Variants in PCDHGA1 observed in about 807,000 individuals in gnomAD.
PCDHGA1 encodes protocadherin gamma-A1.
A neutral mutation model predicts 58.0 loss-of-function variants in PCDHGA1; 32 were observed. The observed-to-expected ratio is 0.55, with a 90% CI of 0.42 to 0.74. The LOEUF (loss-of-function observed/expected upper bound fraction) is 0.74, where lower values mean the gene tolerates loss of function less well. PCDHGA1 is among the 30% of genes least tolerant of loss of function. The pLI is 0.00. For missense variants in PCDHGA1, 1,205 were observed against 1,182.3 expected, an observed-to-expected ratio of 1.02 and a Z score of -0.28; for synonymous variants, 498 against 501.1, an observed-to-expected ratio of 0.99 and a Z score of 0.08.
intron 1 of PCDHGA1, chr5:141,374,870 G>T: frequency 6.2e-7 from 1 of 1,613,702 alleles, no homozygotes; most frequent in Non-Finnish European, 8.5e-7. Context: ...ACCAGTGTTG[G>T]CAGTGACTGC....
chr5:141,371,335 G>A (rs374653658), intron 1 of PCDHGA1: 21 of 1,613,940 alleles, frequency 1.3e-5, no homozygotes, highest in Non-Finnish European at 1.8e-5. Context: ...GAGAGAGATA[G>A]CTACACAATT....
intron 1 of PCDHGA1, chr5:141,478,227 G>A: frequency 6.2e-7 from 1 of 1,614,104 alleles, no homozygotes; most frequent in Non-Finnish European, 8.5e-7. Context: ...GTTTCTGTGG[G>A]GTTTGTGGTC....
At position 141,372,146 on chromosome 5, in the gene PCDHGA1, T is replaced by C. The variant is rs371379465; in HGVS notation, c.2421+39041T>C. The C allele has an allele frequency of 1.2e-4, 200 of 1,613,738 alleles. 1 individual carries two copies. In the South Asian group the frequency reaches 2.0e-3, roughly 16 times the overall value. ...ATATGGTGCCGCGCTCTGCAGAGCC[T>C]GGCTACCTGGTGACCAAGGTGGTGG... On this transcript the variant is annotated intron_variant, in intron 1 of 3. Coordinates refer to ENST00000517417, the MANE Select transcript of PCDHGA1 (RefSeq NM_018912.3).
rs2099706000 is a variant in PCDHGA1 at position 141,490,911 on chromosome 5, G to A, written c.2422-3896G>A. 1 of 1,613,722 alleles carries A rather than the reference G, an allele frequency of 6.2e-7. No individual in the cohort carries two copies. Among genetic ancestry groups the A allele is most frequent in the Non-Finnish European group, 8.5e-7 (1 of 1,179,746 alleles). Reference sequence around the variant, plus strand: ...CTCTGCATGTGTTTGTCCTAGACGAGAATGATAATGCCCCAGCTGTGCTGC... The same window carrying A: ...CTCTGCATGTGTTTGTCCTAGACGAAAATGATAATGCCCCAGCTGTGCTGC... On this transcript the variant is annotated intron_variant, in intron 1 of 3. Coordinates refer to ENST00000517417, the MANE Select transcript of PCDHGA1 (RefSeq NM_018912.3). This position sits in a 1 kb window ranked among gnomAD's most constrained non-coding sequence, Gnocchi z 5.4.
At position 141,408,464 on chromosome 5, in the gene PCDHGA1, A is replaced by G. The variant is rs764186219; in HGVS notation, c.2421+75359A>G. ...GGAGAGCGGGGACTTACTTGTGAAG[A>G]ACCGAATAGACCGTGAGCAAATATG... On this transcript the variant is annotated intron_variant, in intron 1 of 3. Coordinates refer to ENST00000517417, the MANE Select transcript of PCDHGA1 (RefSeq NM_018912.3). The G allele has an allele frequency of 3.8e-5, 61 of 1,613,880 alleles. No homozygotes were observed. Among genetic ancestry groups the G allele is most frequent in the South Asian group, 1.4e-4 (13 of 91,024 alleles).
chr5:141,431,506 G>T lies in PCDHGA1; in HGVS notation c.2422-63301G>T. 1.2e-6 allele frequency: 2 copies of T among 1,613,988 alleles called. No homozygotes were observed. Among genetic ancestry groups the T allele is most frequent in the South Asian group, 2.2e-5 (2 of 91,084 alleles). The stretch of plus-strand genomic sequence containing the variant: ...CGTTTGCTCAGCCCGAGTACCGCGC[G>T]AGCGTTCCGGAGAATCTGGCCTTGG... On this transcript the variant is annotated intron_variant, in intron 1 of 3. Coordinates refer to ENST00000517417, the MANE Select transcript of PCDHGA1 (RefSeq NM_018912.3). This position sits in a 1 kb window ranked among gnomAD's most constrained non-coding sequence, Gnocchi z 4.8.
In PCDHGA1 at chr5:141,332,175, G is replaced by T; in HGVS notation, c.1491G>T (p.Gln497His). 7 of 1,614,148 alleles carry T rather than the reference G, an allele frequency of 4.3e-6. No individual in the cohort carries two copies. The highest frequency in any genetic ancestry group is 5.9e-6 in the Non-Finnish European group (7 of 1,180,022). Residue 497 changes from glutamine (Q) to histidine (H), a missense_variant, in exon 1 of 4, where the codon CAG becomes CAT. Coordinates refer to ENST00000517417, the MANE Select transcript of PCDHGA1 (RefSeq NM_018912.3). The surrounding 1 kb of genome is among the most constrained non-coding windows in gnomAD (Gnocchi z 4.6). ...ITYSLIEDTI[Q>H]GAPLSAYLSI... ...ACTCCCTAATAGAGGACACTATCCAGGGGGCACCCCTATCTGCCTACCTCT... is the reference window on the plus strand; with the variant it reads ...ACTCCCTAATAGAGGACACTATCCATGGGGCACCCCTATCTGCCTACCTCT...
intron 2 of PCDHGA1, 114 bp from the exon 3 acceptor site, chr5:141,505,279 C>T: frequency 6.5e-7 from 1 of 1,541,274 alleles, no homozygotes; most frequent in Non-Finnish European, 8.7e-7. Context: ...AGAAACAGGT[C>T]TTGGGCATGG....
At chr5:141,340,694 G>A (rs760550572) in intron 1 of PCDHGA1, 5 of 1,614,176 alleles carry the variant, frequency 3.1e-6, no homozygotes, top group South Asian at 2.2e-5. Flanking sequence ...TTCCACTGGC[G>A]TGGAGCTGGC....
At chr5:141,335,312 A>G (rs1756559851) in intron 1 of PCDHGA1, among the ~76,000 whole-genome samples, 1 of 152,174 alleles carries the variant, frequency 6.6e-6, no homozygotes, top group Non-Finnish European at 1.5e-5. Flanking sequence ...ACACGTGCTT[A>G]AAATAAAAAT....
intron 1 of PCDHGA1, among the ~76,000 whole-genome samples, chr5:141,443,859 GAA>G (rs2098408229): frequency 6.6e-6 from 1 of 152,104 alleles, no homozygotes; most frequent in Non-Finnish European, 1.5e-5. Context: ...TCTGAAAACT[GAA>G]AAAATTACTG....
intron 1 of PCDHGA1, chr5:141,351,708 T>G: frequency 6.2e-7 from 1 of 1,613,718 alleles, no homozygotes; most frequent in Non-Finnish European, 8.5e-7. Flanking sequence ...AACGGCAGAG[T>G]CTCCTACTCT....
At chr5:141,364,925 C>T in intron 1 of PCDHGA1, 2 of 1,613,910 alleles carry the variant, frequency 1.2e-6, no homozygotes, top group Non-Finnish European at 8.5e-7. Flanking sequence ...GTTGGAACAG[C>T]CCCTAGACCG....
intron 1 of PCDHGA1, chr5:141,427,571 G>T (rs1199845374): frequency 9.1e-6 from 6 of 662,944 alleles, no homozygotes; most frequent in Non-Finnish European, 1.7e-5. Context: ...GCAAGCCTCC[G>T]CTCTCATCCA....
At chr5:141,394,486 A>G (rs1446259630) in intron 1 of PCDHGA1, 2 of 1,613,980 alleles carry the variant, frequency 1.2e-6, no homozygotes, top group Non-Finnish European at 8.5e-7. Flanking sequence ...CAGAATGACA[A>G]CGCGCCCGAG....
chr5:141,330,526 C>G lies in PCDHGA1; in HGVS notation c.-159C>G. ...CTCGTGCCTCTTAGAACCTCCATAA[C>G]CGCCAGATTGAAAACTGACTGTCCA... On this transcript the variant is annotated 5_prime_UTR_variant, in exon 1 of 4. Coordinates refer to ENST00000517417, the MANE Select transcript of PCDHGA1 (RefSeq NM_018912.3). The G allele has an allele frequency of 1.4e-6, 1 of 699,782 alleles. No individual in the cohort carries two copies. 43.3% of individuals were successfully genotyped at this position (699,782 alleles called of 1,614,324 possible).
At chr5:141,446,312 T>C (rs2098498076) in intron 1 of PCDHGA1, among the ~76,000 whole-genome samples, 1 of 152,208 alleles carries the variant, frequency 6.6e-6, no homozygotes, top group African/African-American at 2.4e-5. Flanking sequence ...GAGTGATTCC[T>C]GGGTTTCCAC....
chr5:141,487,818 G>T lies in PCDHGA1; in HGVS notation c.2422-6989G>T, dbSNP rs1009237001. The T allele has an allele frequency of 1.2e-5, 16 of 1,331,602 alleles. No homozygotes were observed. Among genetic ancestry groups the T allele is most frequent in the Non-Finnish European group, 1.4e-5 (14 of 970,528 alleles). The allele number at this position is 1,331,602 out of a possible 1,614,324, so 82.5% of individuals were successfully genotyped here. On this transcript the variant is annotated intron_variant, in intron 1 of 3. Transcript: ENST00000517417. This position sits in a 1 kb window ranked among gnomAD's most constrained non-coding sequence, Gnocchi z 5.0. Reference sequence around the variant, plus strand: ...GAGTTGTCACAGTTTAGCATTGGGGGCGGGTCATGCCTATATCTGAGTAAG... The same window carrying T: ...GAGTTGTCACAGTTTAGCATTGGGGTCGGGTCATGCCTATATCTGAGTAAG...
In PCDHGA1 at chr5:141,432,265, G is replaced by A. The variant is rs756993242; in HGVS notation, c.2422-62542G>A. On this transcript the variant is annotated intron_variant, in intron 1 of 3. Transcript: ENST00000517417. The surrounding 1 kb of genome is among the most constrained non-coding windows in gnomAD (Gnocchi z 6.0). ...ACACCATCCAAGGGGCAAGCCTATCGTCCTACGTGTCCATCAACTCCGACA... is the reference window on the plus strand; with the variant it reads ...ACACCATCCAAGGGGCAAGCCTATCATCCTACGTGTCCATCAACTCCGACA... 2.5e-6 allele frequency: 4 copies of A among 1,614,092 alleles called. No individual in the cohort carries two copies. The highest frequency in any genetic ancestry group is 1.7e-5 in the Admixed American group (1 of 60,004).
Sources: gnomAD v4.1 joint callset for allele counts (sites outside exome capture counted in the v4.1 genomes callset) on GRCh38, gnomAD v4.1.1 for gene constraint, Gnocchi (gnomAD v3.1) non-coding constraint, MANE v1.5 for transcripts, NCBI Gene and HGNC (gene_info 2026-07-23, HGNC 2026-07-21) for gene names.